The following CDK14 variants were observed in gnomAD, a reference collection of about 807,000 sequenced individuals.
CDK14 encodes the protein cyclin-dependent kinase 14.
In CDK14, 34 loss-of-function variants were observed where a neutral mutation model predicts 60.7. The observed-to-expected ratio is 0.56, with a 90% confidence interval of 0.43 to 0.75. The LOEUF (loss-of-function observed/expected upper bound fraction) is 0.75. Ranked by LOEUF, CDK14 falls within the 30% of genes least tolerant of loss-of-function variation. The pLI is 0.00. For missense variants in CDK14, 482 were observed against 564.1 expected, an observed-to-expected ratio of 0.85 and a Z score of 1.47; for synonymous variants, 197 against 203.7, an observed-to-expected ratio of 0.97 and a Z score of 0.28.
chr7:91,002,260 A>G (rs1424104129), intron 10 of CDK14, among the ~76,000 whole-genome samples: 1 of 152,236 alleles, frequency 6.6e-6, no homozygotes, highest in African/African-American at 2.4e-5. Flanking sequence ...TACTATGAGA[A>G]GCACTAGATC....
intron 2 of CDK14, among the ~76,000 whole-genome samples, chr7:90,606,970 C>T (rs1799430804): frequency 6.6e-6 from 1 of 152,114 alleles, no homozygotes; most frequent in Admixed American, 6.5e-5. Context: ...AATGTAACAA[C>T]CAACATAAGA....
At chr7:91,085,434 T>C (rs962764236) in intron 12 of CDK14, among the ~76,000 whole-genome samples, 1 of 152,204 alleles carries the variant, frequency 6.6e-6, no homozygotes, top group African/African-American at 2.4e-5. Context: ...CCCCATTTCC[T>C]CTGCCTCCAG....
rs1230049740 is a variant in CDK14, at chr7:90,690,571, T to C, written c.124-35996T>C. Among the ~76,000 whole-genome samples, 33 of 152,154 alleles carry C rather than the reference T, an allele frequency of 2.2e-4. 1 individual carries two copies. The highest frequency in any genetic ancestry group is 2.9e-5 in the Non-Finnish European group (2 of 68,026). ...TTAAATAAAATACCACAACTTAATT[T>C]ATTTCATCTTAGCAGGAAGTTTCTT... On this transcript the variant is annotated intron_variant, in intron 2 of 14. Coordinates refer to ENST00000380050, the MANE Select transcript of CDK14 (RefSeq NM_001287135.2).
At chr7:91,040,320 T>G (rs1797053250) in intron 10 of CDK14, among the ~76,000 whole-genome samples, 1 of 152,106 alleles carries the variant, frequency 6.6e-6, no homozygotes, top group Admixed American at 6.5e-5. Context: ...TCTGGGAACT[T>G]CATACCATCT....
chr7:90,820,446 A>G (rs987370774), intron 5 of CDK14, among the ~76,000 whole-genome samples: 7 of 152,116 alleles, frequency 4.6e-5, no homozygotes, highest in Non-Finnish European at 7.4e-5. Context: ...TTCTTGTAAT[A>G]ATGAGTGACT....
At chr7:91,154,530 T>C (rs373857141) in intron 14 of CDK14, among the ~76,000 whole-genome samples, 54 of 152,260 alleles carry the variant, frequency 3.5e-4, no homozygotes, top group Middle Eastern at 3.4e-3. Context: ...AAAACACTTT[T>C]AGAAAAATTA....
At chr7:90,734,996 T>C (rs2116749662) in intron 3 of CDK14, among the ~76,000 whole-genome samples, 1 of 152,270 alleles carries the variant, frequency 6.6e-6, no homozygotes, top group African/African-American at 2.4e-5. Context: ...ATGGGGTCTC[T>C]GAGTGGACAT....
chr7:90,806,088 T>A (rs1788821147), intron 5 of CDK14, among the ~76,000 whole-genome samples: 1 of 152,098 alleles, frequency 6.6e-6, no homozygotes, highest in Non-Finnish European at 1.5e-5. Context: ...GATATTCAAA[T>A]GCAAAAAGAT....
At chr7:91,060,174 G>C (rs1327948018) in intron 11 of CDK14, among the ~76,000 whole-genome samples, 1 of 151,112 alleles carries the variant, frequency 6.6e-6, no homozygotes, top group African/African-American at 2.4e-5. Flanking sequence ...TGTCTCTTTT[G>C]ATCTTTGTTG....
intron 1 of CDK14, among the ~76,000 whole-genome samples, chr7:90,603,295 T>C (rs1799353240): frequency 6.6e-6 from 1 of 152,208 alleles, no homozygotes; most frequent in African/African-American, 2.4e-5. Context: ...AAAATTCCAG[T>C]TCTAAAGCTA....
intron 2 of CDK14, among the ~76,000 whole-genome samples, chr7:90,683,920 G>A (rs1801376163): frequency 6.6e-6 from 1 of 151,954 alleles, no homozygotes; most frequent in African/African-American, 2.4e-5. Flanking sequence ...GTGTGTGTGT[G>A]TGTGTGTGTG....
At chr7:90,894,139 T>C (rs1340311601) in intron 6 of CDK14, among the ~76,000 whole-genome samples, 2 of 152,192 alleles carry the variant, frequency 1.3e-5, no homozygotes, top group Non-Finnish European at 2.9e-5. Flanking sequence ...TCATCACCTA[T>C]AGTATCCACA....
At chr7:90,765,964 C>G (rs1010401072) in intron 4 of CDK14, among the ~76,000 whole-genome samples, 3 of 152,208 alleles carry the variant, frequency 2.0e-5, no homozygotes, top group Non-Finnish European at 4.4e-5. Flanking sequence ...ATTGGTCTTC[C>G]TGTTTCTTTT....
chr7:91,147,162 T>TCTCTCTCACACA (rs1438870514), intron 14 of CDK14, among the ~76,000 whole-genome samples: 6 of 124,746 alleles, frequency 4.8e-5, no homozygotes, highest in African/African-American at 2.0e-4. Context: ...TCTCTCTCTC[T>TCTCTCTCACACA]CACACACACA....
chr7:91,054,720 G>T (rs1797502578), intron 11 of CDK14, among the ~76,000 whole-genome samples: 1 of 152,184 alleles, frequency 6.6e-6, no homozygotes, highest in South Asian at 2.1e-4. Flanking sequence ...GGGTGCTAAA[G>T]ATGCAGTTTG....
chr7:91,057,360 G>C (rs1461812178), intron 11 of CDK14, among the ~76,000 whole-genome samples: 1 of 152,116 alleles, frequency 6.6e-6, no homozygotes, highest in African/African-American at 2.4e-5. Context: ...TAGGTTGCCT[G>C]TTCACTCTGA....
intron 5 of CDK14, among the ~76,000 whole-genome samples, chr7:90,835,871 C>G (rs1015354123): frequency 2.0e-5 from 3 of 152,110 alleles, no homozygotes; most frequent in African/African-American, 7.2e-5. Context: ...GTATATAGCC[C>G]ATTGCTCCTC....
intron 5 of CDK14, among the ~76,000 whole-genome samples, chr7:90,794,526 G>A (rs1209245368): frequency 6.6e-6 from 1 of 152,166 alleles, no homozygotes; most frequent in Non-Finnish European, 1.5e-5. Context: ...GTTCTTTGCT[G>A]AGAAAAAGAA....
At chr7:90,943,247 G>A (rs746217265) in intron 8 of CDK14, among the ~76,000 whole-genome samples, 9 of 152,290 alleles carry the variant, frequency 5.9e-5, no homozygotes, top group South Asian at 4.2e-4. Context: ...CCAGTGTTAC[G>A]TAGAGATGGA....
Sources: allele counts gnomAD v4.1 joint callset (sites outside exome capture counted in the v4.1 genomes callset), GRCh38; gene constraint gnomAD v4.1.1; transcripts MANE v1.5; gene names NCBI Gene and HGNC (gene_info 2026-07-23, HGNC 2026-07-21).